Variants in C1QTNF7 observed in about 807,000 individuals in gnomAD.
C1QTNF7 encodes complement C1q tumor necrosis factor-related protein 7.
A neutral mutation model predicts 19.6 loss-of-function variants in C1QTNF7; 15 were observed. The observed-to-expected ratio is 0.76, with a 90% CI of 0.51 to 1.18. C1QTNF7 has a LOEUF of 1.18. Among genes scored for constraint, C1QTNF7 ranks in the 50% most tolerant of loss-of-function variants. The probability of loss-of-function intolerance (pLI) is 0.00; values close to 1 mark genes in which losing one functional copy is unlikely to be tolerated. For missense variants in C1QTNF7, 324 were observed against 359.7 expected (o/e 0.90, Z 0.80); for synonymous variants, 142 against 137.5 (o/e 1.03, Z -0.23).
At chr4:15,426,559 G>A (rs77321165), upstream of C1QTNF7, among the ~76,000 whole-genome samples, 184 of 152,188 alleles carry the variant, frequency 1.2e-3, 1 homozygote, top group African/African-American at 4.2e-3. Context: ...TATTTTATGT[G>A]GTAAGTAACA....
chr4:15,426,500 A>G (rs978473563), upstream of C1QTNF7, among the ~76,000 whole-genome samples: 1 of 152,250 alleles, frequency 6.6e-6, no homozygotes, highest in African/African-American at 2.4e-5. Context: ...TTCAATTTTT[A>G]TTGAAGAACA....
At chr4:15,350,061 GGGAA>G in intron 1 of C1QTNF7, among the ~76,000 whole-genome samples, 1 of 142,076 alleles carries the variant, frequency 7.0e-6, no homozygotes, top group East Asian at 2.1e-4. Context: ...AAGGGAGGAA[GGGAA>G]GAAGGAAGGG....
At chr4:15,442,116 G>A (rs1712782613) in intron 2 of C1QTNF7, 52 bp from the exon 3 acceptor site, 4 of 1,529,868 alleles carry the variant, frequency 2.6e-6, no homozygotes, top group Admixed American at 2.1e-5. Context: ...TATATTGTTT[G>A]TGATTATATC....
At chr4:15,350,042 G>T (rs887966646) in intron 1 of C1QTNF7, among the ~76,000 whole-genome samples, 4 of 145,304 alleles carry the variant, frequency 2.8e-5, no homozygotes, top group African/African-American at 1.0e-4. Context: ...AGGGAGGAAG[G>T]AAGGAAAGAA....
At chr4:15,434,628 T>C (rs980109503) in intron 1 of C1QTNF7, among the ~76,000 whole-genome samples, 1 of 151,748 alleles carries the variant, frequency 6.6e-6, no homozygotes, top group South Asian at 2.1e-4. Context: ...CTAAGGACCA[T>C]TTAGCCTAAA....
intron 1 of C1QTNF7, among the ~76,000 whole-genome samples, chr4:15,368,628 T>C (rs546195083): frequency 7.5e-4 from 114 of 152,342 alleles, no homozygotes; most frequent in African/African-American, 2.4e-3. Flanking sequence ...ACTCATCCCT[T>C]TTTATGGCTG....
intron 1 of C1QTNF7, among the ~76,000 whole-genome samples, chr4:15,382,259 C>G (rs1327403572): frequency 6.6e-6 from 1 of 152,000 alleles, no homozygotes; most frequent in African/African-American, 2.4e-5. Flanking sequence ...TGTGACCTTT[C>G]CAGTCAAAGA....
At chr4:15,415,603 CT>C (rs916230042) in intron 1 of C1QTNF7, among the ~76,000 whole-genome samples, 1 of 144,844 alleles carries the variant, frequency 6.9e-6, no homozygotes, top group Admixed American at 7.2e-5. Context: ...TGGGCCTTCT[CT>C]TTTTTTTATT....
chr4:15,374,869 C>CA, intron 1 of C1QTNF7: 5 of 508,268 alleles, frequency 9.8e-6, no homozygotes, highest in Non-Finnish European at 1.2e-5. Context: ...CTCTCTCTCT[C>CA]TCTTTTTTTT....
chr4:15,371,913 T>C (rs186141852), intron 1 of C1QTNF7, among the ~76,000 whole-genome samples: 11 of 151,984 alleles, frequency 7.2e-5, no homozygotes, highest in Middle Eastern at 3.4e-3. Flanking sequence ...TCCAGGCAAC[T>C]CAATAGGAAA....
intron 1 of C1QTNF7, among the ~76,000 whole-genome samples, chr4:15,343,321 T>C (rs1476046912): frequency 1.3e-5 from 2 of 152,214 alleles, no homozygotes; most frequent in African/African-American, 4.8e-5. Flanking sequence ...ATTAAATCAA[T>C]GTTTCCCAAG....
upstream of C1QTNF7, among the ~76,000 whole-genome samples, chr4:15,426,755 C>G (rs114236462): frequency 1.9e-3 from 284 of 152,210 alleles, 1 homozygote; most frequent in African/African-American, 6.6e-3. Context: ...ATGGAAAAAG[C>G]CCACTTAAGA....
chr4:15,412,768 G>C (rs190814481), intron 1 of C1QTNF7, among the ~76,000 whole-genome samples: 34 of 152,298 alleles, frequency 2.2e-4, no homozygotes, highest in Admixed American at 4.6e-4. Context: ...AAAGACACAA[G>C]TGCATCTGCG....
chr4:15,349,506 A>G (rs1436632487), intron 1 of C1QTNF7, among the ~76,000 whole-genome samples: 1 of 152,190 alleles, frequency 6.6e-6, no homozygotes, highest in African/African-American at 2.4e-5. Flanking sequence ...TTTAAATGGA[A>G]ACAGAAAAGC....
In C1QTNF7 at chr4:15,378,770, A is replaced by G. The variant is rs572236228; in HGVS notation, c.13+38563A>G. On this transcript the variant is annotated intron_variant, in intron 1 of 2. Transcript: ENST00000295297. ...CAGTCAATCCAACACTCTATTAGCCAAGAACTAATAGAGTGTACAGCTTTT... is the reference window on the plus strand; with the variant it reads ...CAGTCAATCCAACACTCTATTAGCCGAGAACTAATAGAGTGTACAGCTTTT... Among the ~76,000 whole-genome samples, 6 of 152,332 alleles carry G rather than the reference A, an allele frequency of 3.9e-5. No homozygotes were observed. The South Asian group carries it at 1.2e-3, about 32-fold the overall frequency.
At chr4:15,367,818 ATT>A (rs61013727) in intron 1 of C1QTNF7, among the ~76,000 whole-genome samples, 12 of 150,038 alleles carry the variant, frequency 8.0e-5, no homozygotes, top group East Asian at 3.9e-4. Flanking sequence ...ACTTGTTTTT[ATT>A]TTTTTTTTTC....
Position 15,445,571 on chromosome 4 carries a change from T to C in C1QTNF7, c.*2772T>C, listed in dbSNP as rs745687174. On this transcript the variant is annotated 3_prime_UTR_variant, in exon 3 of 3. Coordinates refer to ENST00000444304, the MANE Select transcript of C1QTNF7 (RefSeq NM_031911.5). Reference sequence around the variant, plus strand: ...CGTTTTCAAATATCTGGTGGGATGGTAATGGGGATTAGAGAACTGACATGA... The same window carrying C: ...CGTTTTCAAATATCTGGTGGGATGGCAATGGGGATTAGAGAACTGACATGA... The C allele has an allele frequency of 1.3e-5, 2 of 152,226 alleles. No homozygotes were observed. The highest frequency in any genetic ancestry group is 2.9e-5 in the Non-Finnish European group (2 of 68,044). The allele number at this position is 152,226 out of a possible 1,614,324, so 9.4% of individuals were successfully genotyped here.
intron 1 of C1QTNF7, among the ~76,000 whole-genome samples, chr4:15,390,986 A>G (rs1372705106): frequency 1.3e-5 from 2 of 152,184 alleles, no homozygotes; most frequent in Non-Finnish European, 2.9e-5. Context: ...CACTCTTTCA[A>G]TTGAAAGCAA....
At chr4:15,383,663 A>C (rs189560750) in intron 1 of C1QTNF7, among the ~76,000 whole-genome samples, 38 of 152,338 alleles carry the variant, frequency 2.5e-4, no homozygotes, top group Admixed American at 2.0e-3. Flanking sequence ...TATTGTTCAG[A>C]AATAGTCATT....
Sources: gnomAD v4.1 joint callset for allele counts (sites outside exome capture counted in the v4.1 genomes callset) on GRCh38, gnomAD v4.1.1 for gene constraint, MANE v1.5 for transcripts, NCBI Gene and HGNC (gene_info 2026-07-23, HGNC 2026-07-21) for gene names.